Variants in SNX4 observed in about 807,000 individuals in gnomAD.
SNX4 encodes sorting nexin-4.
A neutral mutation model predicts 70.8 loss-of-function variants in SNX4; 49 were observed. The observed-to-expected ratio is 0.69, with a 90% CI of 0.55 to 0.88. The LOEUF (loss-of-function observed/expected upper bound fraction) is 0.88. Ranked by LOEUF, SNX4 falls within the 40% of genes least tolerant of loss-of-function variation. The pLI is 0.00. For missense variants in SNX4, 528 were observed against 544.8 expected (o/e 0.97, Z 0.31); for synonymous variants, 206 against 183.8 (o/e 1.12, Z -0.98).
At chr3:125,490,524 C>CAAAAAAA (rs1173858739) in intron 5 of SNX4, among the ~76,000 whole-genome samples, 1 of 48,894 alleles carries the variant, frequency 2.0e-5, no homozygotes, top group South Asian at 7.5e-4. Context: ...ACTCTGTCTC[C>CAAAAAAA]AAAAAAAAAA....
chr3:125,460,891 A>G, intron 9 of SNX4, 31 bp from the exon 10 acceptor site: 2 of 1,119,274 alleles, frequency 1.8e-6, no homozygotes, highest in South Asian at 1.5e-5. Context: ...CACATTGCAT[A>G]GAGTTACTTT....
rs986658136 is a variant in SNX4, at chr3:125,498,320, A to C, written c.264-126T>G. ...CCAGGCACTAAGTAAAGAACTTTTCATACATTTTTCTTTTTTTTCAAGACA... is the reference window on the plus strand; with the variant it reads ...CCAGGCACTAAGTAAAGAACTTTTCCTACATTTTTCTTTTTTTTCAAGACA... On this transcript the variant is annotated intron_variant, in intron 2 of 13. Coordinates refer to ENST00000251775, the MANE Select transcript of SNX4 (RefSeq NM_003794.4). 6 of 951,274 alleles carry C rather than the reference A, an allele frequency of 6.3e-6. No homozygotes were observed. The African/African-American group carries it at 1.0e-4, about 16-fold the overall frequency. The allele number at this position is 951,274 out of a possible 1,614,324, so 58.9% of individuals were successfully genotyped here.
intron 1 of SNX4, among the ~76,000 whole-genome samples, chr3:125,509,739 C>A (rs1438593970): frequency 2.8e-5 from 3 of 106,238 alleles, no homozygotes; most frequent in Non-Finnish European, 5.0e-5. Context: ...GGTGACAGAG[C>A]GAGAATCTGT....
intron 4 of SNX4, 127 bp downstream of exon 4, chr3:125,497,703 TTAGA>T: frequency 1.5e-6 from 1 of 647,230 alleles, no homozygotes; most frequent in Non-Finnish European, 2.5e-6. Context: ...AATCCATTAA[TTAGA>T]AATTCATAAC....
chr3:125,476,664 T>G, intron 8 of SNX4, 31 bp downstream of exon 8: 1 of 1,301,650 alleles, frequency 7.7e-7, no homozygotes, highest in African/African-American at 1.5e-5. Flanking sequence ...TAATTAAAGC[T>G]AATTATTTTT....
At chr3:125,494,016 G>A (rs1042140526) in intron 5 of SNX4, among the ~76,000 whole-genome samples, 1 of 145,450 alleles carries the variant, frequency 6.9e-6, no homozygotes, top group Admixed American at 7.1e-5. Flanking sequence ...CAGCCGGGGC[G>A]ACAGAGCAAG....
intron 7 of SNX4, among the ~76,000 whole-genome samples, chr3:125,480,014 C>CA (rs1934375269): frequency 1.3e-5 from 2 of 151,768 alleles, no homozygotes; most frequent in Non-Finnish European, 2.9e-5. Context: ...TGATAACATC[C>CA]AAAACAACTA....
intron 1 of SNX4, among the ~76,000 whole-genome samples, chr3:125,507,588 A>G (rs910215807): frequency 6.6e-6 from 1 of 152,368 alleles, no homozygotes; most frequent in Non-Finnish European, 1.5e-5. Context: ...GACACTTTAT[A>G]ACTTTTCAAA....
chr3:125,511,133 C>T (rs1935164012), intron 1 of SNX4, among the ~76,000 whole-genome samples: 2 of 152,140 alleles, frequency 1.3e-5, no homozygotes, highest in South Asian at 2.1e-4. Flanking sequence ...AGGCTGGTCT[C>T]GAACTCCCAA....
At chr3:125,487,905 T>C (rs771626946) in intron 6 of SNX4, among the ~76,000 whole-genome samples, 4 of 152,032 alleles carry the variant, frequency 2.6e-5, no homozygotes, top group Admixed American at 6.6e-5. Flanking sequence ...CACGTCATTA[T>C]CCATTTGTCC....
In SNX4 at chr3:125,489,535, C is replaced by T. The variant is rs1934605142; in HGVS notation, c.598-72G>A. 4.8e-6 allele frequency: 6 copies of T among 1,241,176 alleles called. No homozygotes were observed. In the East Asian group the frequency reaches 1.4e-4, roughly 29 times the overall value. 76.9% of individuals were successfully genotyped at this position (1,241,176 alleles called of 1,614,324 possible). ...TAAAATTCAAACAATTTTACTTTCC[C>T]TTTAGAATTAAGATGCTCAAGTACA... On this transcript the variant is annotated intron_variant, in intron 5 of 13. Transcript: ENST00000251775.
At chr3:125,495,586 CA>C (rs1365968359) in intron 5 of SNX4, among the ~76,000 whole-genome samples, 2 of 151,330 alleles carry the variant, frequency 1.3e-5, no homozygotes, top group African/African-American at 4.9e-5. Flanking sequence ...CACAATGAAA[CA>C]TTCTATCTAA....
At chr3:125,454,519 A>G (rs1933659728) in intron 11 of SNX4, among the ~76,000 whole-genome samples, 1 of 152,206 alleles carries the variant, frequency 6.6e-6, no homozygotes, top group Non-Finnish European at 1.5e-5. Context: ...CCTAGTGCCA[A>G]AAAGGTTGGC....
chr3:125,456,985 C>T (rs1656206863), intron 11 of SNX4, among the ~76,000 whole-genome samples: 1 of 150,760 alleles, frequency 6.6e-6, no homozygotes, highest in Non-Finnish European at 1.5e-5. Flanking sequence ...TTTTTTAAAA[C>T]GAAACCGGAT....
At chr3:125,519,018 A>T (rs999720814) in intron 1 of SNX4, among the ~76,000 whole-genome samples, 2 of 151,852 alleles carry the variant, frequency 1.3e-5, no homozygotes, top group African/African-American at 4.8e-5. Flanking sequence ...CAAAATAAAT[A>T]AATAAATAAA....
At chr3:125,517,379 AAACT>A (rs1183226423) in intron 1 of SNX4, among the ~76,000 whole-genome samples, 1 of 152,210 alleles carries the variant, frequency 6.6e-6, no homozygotes, top group Non-Finnish European at 1.5e-5. Flanking sequence ...AGCACACGCA[AAACT>A]AACTTACTTT....
At chr3:125,457,492 G>T in intron 10 of SNX4, 127 bp from the exon 11 acceptor site, 6 of 518,266 alleles carry the variant, frequency 1.2e-5, no homozygotes, top group East Asian at 5.1e-5. Context: ...GAATTTTCAA[G>T]TTTAAAATGT....
chr3:125,466,557 T>C (rs1412786461), intron 9 of SNX4, among the ~76,000 whole-genome samples: 1 of 152,170 alleles, frequency 6.6e-6, no homozygotes, highest in Non-Finnish European at 1.5e-5. Flanking sequence ...AACTATGTTA[T>C]CTGACAAAGG....
intron 13 of SNX4, among the ~76,000 whole-genome samples, chr3:125,448,739 G>A (rs201696452): frequency 2.8e-5 from 4 of 143,048 alleles, no homozygotes; most frequent in East Asian, 4.2e-4. Flanking sequence ...GCAGTGGCGC[G>A]ATCTCGGCTC....
Sources: allele counts gnomAD v4.1 joint callset (sites outside exome capture counted in the v4.1 genomes callset), GRCh38; gene constraint gnomAD v4.1.1; transcripts MANE v1.5; gene names NCBI Gene and HGNC (gene_info 2026-07-23, HGNC 2026-07-21).